Variants in PRTG observed in about 807,000 individuals in gnomAD.
PRTG encodes protogenin, also known as immunoglobulin superfamily, DCC subclass, member 5.
In PRTG, 67 loss-of-function variants were observed where a neutral mutation model predicts 122.5. That is an observed-to-expected ratio of 0.55 (90% CI 0.45 to 0.67). The LOEUF (loss-of-function observed/expected upper bound fraction) is 0.67. Ranked by LOEUF, PRTG falls within the 30% of genes least tolerant of loss-of-function variation. PRTG has a pLI of 0.00. For missense variants in PRTG, 1,435 were observed against 1,415.4 expected, an observed-to-expected ratio of 1.01 and a Z score of -0.22; for synonymous variants, 554 against 501.1, an observed-to-expected ratio of 1.11 and a Z score of -1.41.
chr15:55,658,485 T>C (rs2059392491), intron 11 of PRTG, among the ~76,000 whole-genome samples: 1 of 152,060 alleles, frequency 6.6e-6, no homozygotes, highest in Non-Finnish European at 1.5e-5. Context: ...GCCCAGCTAA[T>C]TTTTGTATTT....
In PRTG at chr15:55,612,697, A is replaced by ATATATAT. The variant is rs2059125551; in HGVS notation, c.*7314_*7315insATATATA. The ATATATAT allele has an allele frequency of 8.3e-6, 1 of 120,748 alleles. No individual in the cohort carries two copies. Among genetic ancestry groups the ATATATAT allele is most frequent in the African/African-American group, 4.7e-5 (1 of 21,352 alleles). The allele number at this position is 120,748 out of a possible 1,614,324, so 7.5% of individuals were successfully genotyped here. A position where few individuals can be genotyped will look rare whatever the true frequency, so the allele number is the denominator to read the frequency against. ...TTCTCTCTTTAACTCTTTAAAAGCCAATATATATATATATATATATATATA... is the reference window on the plus strand; with the variant it reads ...TTCTCTCTTTAACTCTTTAAAAGCCATATATATATATATATATATATATATATATATA... On this transcript the variant is annotated 3_prime_UTR_variant, in exon 20 of 20. Coordinates refer to ENST00000389286, the MANE Select transcript of PRTG (RefSeq NM_173814.6).
At chr15:55,691,956 G>A (rs1054818494) in intron 2 of PRTG, among the ~76,000 whole-genome samples, 1 of 151,922 alleles carries the variant, frequency 6.6e-6, no homozygotes, top group Admixed American at 6.6e-5. Flanking sequence ...AGAATTGCTT[G>A]AGCCCAGGAG....
chr15:55,635,876 C>T (rs1302729031), intron 15 of PRTG, among the ~76,000 whole-genome samples: 1 of 152,140 alleles, frequency 6.6e-6, no homozygotes, highest in Non-Finnish European at 1.5e-5. Flanking sequence ...GTGGCCACTA[C>T]ATTTCCTGCC....
intron 11 of PRTG, among the ~76,000 whole-genome samples, chr15:55,644,254 C>A (rs1442410645): frequency 6.6e-6 from 1 of 152,156 alleles, no homozygotes; most frequent in Non-Finnish European, 1.5e-5. Flanking sequence ...AAGGATAGGA[C>A]AGATGTGTCC....
chr15:55,641,168 G>C lies in PRTG; in HGVS notation c.2082C>G (p.Asn694Lys), dbSNP rs781489793. Residue 694 changes from asparagine to lysine, a missense_variant, in exon 12 of 20, where the codon AAC (asparagine) becomes AAG (lysine). Transcript: ENST00000389286. Reference protein sequence around the residue: ...RKYHVRLLAYNNIDDGYQADQ... With the variant: ...RKYHVRLLAYKNIDDGYQADQ... ...CTGCCTGATAGCCATCGTCTATGTT[G>C]TTGTAAGCCAGGAGTCTCACATGAT... 2 of 1,613,982 alleles carry C rather than the reference G, an allele frequency of 1.2e-6. No individual in the cohort carries two copies. Among genetic ancestry groups the C allele is most frequent in the Admixed American group, 3.3e-5 (2 of 60,008 alleles).
rs574872335 is a variant in PRTG at position 55,663,539 on chromosome 15, CT to C, written c.2041+8905del. On this transcript the variant is annotated intron_variant, in intron 11 of 19. Transcript: ENST00000389286. ...TGATACGTTTTCCATCTTTTCTTTT[CT>C]TTTTTTTTTTTTGGTAGGGAGACAA... 1.9e-3 allele frequency among the ~76,000 whole-genome samples: 265 copies of C among 142,724 alleles called. 1 individual carries two copies. The highest frequency in any genetic ancestry group is 2.6e-3 in the Admixed American group (37 of 14,170). 93.6% of individuals were successfully genotyped at this position (142,724 alleles called of 152,430 possible).
In PRTG at chr15:55,743,072, C is replaced by T; in HGVS notation, c.-141G>A. 1 of 1,299,530 alleles carries T rather than the reference C, an allele frequency of 7.7e-7. No individual in the cohort carries two copies. The highest frequency in any genetic ancestry group is 9.7e-7 in the Non-Finnish European group (1 of 1,028,760). 80.5% of individuals were successfully genotyped at this position (1,299,530 alleles called of 1,614,324 possible). A position where few individuals can be genotyped will look rare whatever the true frequency, so the allele number is the denominator to read the frequency against. ...CCGGCTCCGGCACCGGCGTGGCGAG[C>T]GTCTCTGCGGCGGCGAGGCTGGTGC... On this transcript the variant is annotated 5_prime_UTR_variant, in exon 1 of 20. Coordinates refer to ENST00000389286, the MANE Select transcript of PRTG (RefSeq NM_173814.6).
At position 55,738,708 on chromosome 15, in the gene PRTG, G is replaced by A. The variant is rs1395828879; in HGVS notation, c.397+1674C>T. Reference sequence around the variant, plus strand: ...ATGAAAAAAATAATTATTGGCCAATGATTACGGGGGAAGGAGGGAAGGAAG... The same window carrying A: ...ATGAAAAAAATAATTATTGGCCAATAATTACGGGGGAAGGAGGGAAGGAAG... On this transcript the variant is annotated intron_variant, in intron 2 of 19. Transcript: ENST00000389286. The A allele has an allele frequency of 8.9e-6, 3 of 338,304 alleles. No homozygotes were observed. In the South Asian group the frequency reaches 2.3e-4, roughly 26 times the overall value. 21.0% of individuals were successfully genotyped at this position (338,304 alleles called of 1,614,324 possible).
chr15:55,706,790 G>C (rs1419274304), intron 2 of PRTG, among the ~76,000 whole-genome samples: 3 of 151,980 alleles, frequency 2.0e-5, no homozygotes, highest in Non-Finnish European at 4.4e-5. Context: ...AGAGGAGAGG[G>C]AGAGCGAGGC....
At chr15:55,645,719 G>C (rs2059318503) in intron 11 of PRTG, among the ~76,000 whole-genome samples, 1 of 152,048 alleles carries the variant, frequency 6.6e-6, no homozygotes, top group South Asian at 2.1e-4. Flanking sequence ...CAGAGACCAG[G>C]GCCAACACTG....
intron 2 of PRTG, among the ~76,000 whole-genome samples, chr15:55,732,423 G>C (rs2031265309): frequency 6.6e-6 from 1 of 151,384 alleles, no homozygotes; most frequent in African/African-American, 2.4e-5. Context: ...GACCTCAACT[G>C]ATCTACCTGC....
intron 11 of PRTG, among the ~76,000 whole-genome samples, chr15:55,649,100 G>GA (rs1269048476): frequency 5.6e-5 from 8 of 142,132 alleles, no homozygotes; most frequent in Admixed American, 1.4e-4. Context: ...AAAAAAAAAA[G>GA]AAAAAAAACA....
chr15:55,726,950 CA>C (rs55954392), intron 2 of PRTG, among the ~76,000 whole-genome samples: 105,892 of 133,438 alleles, frequency 0.79, 41,344 homozygotes, highest in African/African-American at 0.83. Context: ...GAGTCCGTCT[CA>C]AAAAAAAAAA....
intron 14 of PRTG, among the ~76,000 whole-genome samples, chr15:55,637,625 T>C (rs563458611): frequency 3.9e-5 from 6 of 152,182 alleles, no homozygotes; most frequent in Non-Finnish European, 7.4e-5. Context: ...TAACTAGAAA[T>C]GTTTACTTCC....
At chr15:55,739,996 A>G (rs1319496166) in intron 2 of PRTG, among the ~76,000 whole-genome samples, 4 of 152,220 alleles carry the variant, frequency 2.6e-5, no homozygotes, top group African/African-American at 9.6e-5. Context: ...CCATCTGCAA[A>G]GCAGAACAAT....
At chr15:55,688,313 C>A (rs941775541) in intron 2 of PRTG, among the ~76,000 whole-genome samples, 1 of 152,156 alleles carries the variant, frequency 6.6e-6, no homozygotes, top group Non-Finnish European at 1.5e-5. Context: ...TTCCTGTCTC[C>A]CTTTTCAAGG....
At chr15:55,651,591 GTAA>G (rs1237691976) in intron 11 of PRTG, among the ~76,000 whole-genome samples, 1 of 152,164 alleles carries the variant, frequency 6.6e-6, no homozygotes, top group Non-Finnish European at 1.5e-5. Context: ...ACTCTTTGTT[GTAA>G]TACTAACAGG....
intron 11 of PRTG, among the ~76,000 whole-genome samples, chr15:55,664,581 ATTT>A (rs956032501): frequency 6.6e-6 from 1 of 151,780 alleles, no homozygotes; most frequent in Non-Finnish European, 1.5e-5. Flanking sequence ...AAATTTAGAA[ATTT>A]TTTTTTGTTT....
At chr15:55,665,120 C>A (rs1030992421) in intron 11 of PRTG, among the ~76,000 whole-genome samples, 1 of 151,778 alleles carries the variant, frequency 6.6e-6, no homozygotes, top group Admixed American at 6.6e-5. Flanking sequence ...AATTAGCCTG[C>A]GTGGTGGCCG....
Sources: allele counts gnomAD v4.1 joint callset (sites outside exome capture counted in the v4.1 genomes callset), GRCh38; gene constraint gnomAD v4.1.1; transcripts MANE v1.5; gene names NCBI Gene and HGNC (gene_info 2026-07-23, HGNC 2026-07-21).